TMEM232: variants seen among roughly 807,000 people sequenced by gnomAD.
The protein encoded by TMEM232 is transmembrane protein 232.
A neutral mutation model predicts 78.8 loss-of-function variants in TMEM232; 80 were observed. The ratio of observed to expected loss-of-function variants is 1.01; its 90% CI spans 0.85 to 1.22. The LOEUF is 1.22. Among genes scored for constraint, TMEM232 ranks in the 50% most tolerant of loss-of-function variants. The pLI is 0.00. For synonymous variants in TMEM232, 297 were observed against 254.3 expected, an observed-to-expected ratio of 1.17 and a Z score of -1.60; for missense variants, 881 against 742.2, an observed-to-expected ratio of 1.19 and a Z score of -2.17.
At chr5:110,716,705 T>C (rs371423044) in intron 1 of TMEM232, among the ~76,000 whole-genome samples, 16 of 152,278 alleles carry the variant, frequency 1.1e-4, no homozygotes, top group African/African-American at 3.6e-4. Flanking sequence ...GCCACGGCAT[T>C]AGTCTGTGGC....
chr5:110,719,369 TATCTTCC>T (rs1357885771), intron 1 of TMEM232, among the ~76,000 whole-genome samples: 18 of 152,052 alleles, frequency 1.2e-4, no homozygotes, highest in African/African-American at 4.1e-4. Context: ...ATTCTGTTCA[TATCTTCC>T]TTTACCTCTT....
chr5:110,563,831 G>A (rs539171142), intron 11 of TMEM232, among the ~76,000 whole-genome samples: 5 of 152,002 alleles, frequency 3.3e-5, no homozygotes, highest in Admixed American at 2.0e-4. Context: ...ATAAAAGCAC[G>A]TCCATGAAAT....
At chr5:110,508,396 T>G (rs1251899520) in intron 12 of TMEM232, among the ~76,000 whole-genome samples, 2 of 150,826 alleles carry the variant, frequency 1.3e-5, no homozygotes, top group African/African-American at 2.4e-5. Flanking sequence ...AAAACAAAAT[T>G]TTATATATAT....
At chr5:110,461,921 T>C (rs537768521) in intron 12 of TMEM232, among the ~76,000 whole-genome samples, 4 of 152,308 alleles carry the variant, frequency 2.6e-5, no homozygotes, top group East Asian at 3.9e-4. Context: ...TTATTGCCCA[T>C]TGACAATGCA....
At position 110,642,246 on chromosome 5, in the gene TMEM232, T is replaced by G; in HGVS notation, c.237+14A>C. 55 of 1,469,344 alleles carry G rather than the reference T, an allele frequency of 3.7e-5. No homozygotes were observed. The highest frequency in any genetic ancestry group is 4.7e-5 in the Non-Finnish European group (51 of 1,088,758). 91.0% of individuals were successfully genotyped at this position (1,469,344 alleles called of 1,614,324 possible). A position where few individuals can be genotyped will look rare whatever the true frequency, so the allele number is the denominator to read the frequency against. On this transcript the variant is annotated intron_variant, in intron 3 of 13. Transcript: ENST00000455884. ...GAAGTTAACATGCTCAACAATCAAA[T>G]GATATGCCATTACCTTACATCTGAG... is the stretch of plus-strand genomic sequence containing the variant.
intron 12 of TMEM232, among the ~76,000 whole-genome samples, chr5:110,467,620 A>G (rs1458738035): frequency 2.0e-5 from 3 of 152,228 alleles, no homozygotes; most frequent in African/African-American, 7.2e-5. Flanking sequence ...ATACATAAAA[A>G]TTTACGCCTA....
At chr5:110,679,563 G>T (rs1792455285) in intron 1 of TMEM232, among the ~76,000 whole-genome samples, 1 of 151,960 alleles carries the variant, frequency 6.6e-6, no homozygotes, top group Admixed American at 6.6e-5. Flanking sequence ...CATAGAACAT[G>T]TATTTGGTGT....
At chr5:110,734,266 G>C (rs79615566) in intron 2 of TMEM232, among the ~76,000 whole-genome samples, 1,990 of 152,282 alleles carry the variant, frequency 0.013, 35 homozygotes, top group African/African-American at 0.045. Context: ...GTTCAGGTCT[G>C]CTCCAAATAT....
Position 110,520,050 on chromosome 5 carries a change from T to TAGAGAGAGAG in TMEM232, c.1703+8528_1703+8537dup, listed in dbSNP as rs1554097433. ...TTATATATTTATGTATATATATATA[T>TAGAGAGAGAG]AGAGAGAGAGAGAGAGAGGATTAGG... On this transcript the variant is annotated intron_variant, in intron 12 of 13. Transcript: ENST00000455884. Among the ~76,000 whole-genome samples the TAGAGAGAGAG allele has an allele frequency of 2.0e-3, 292 of 147,244 alleles. 1 individual carries two copies. The highest frequency in any genetic ancestry group is 6.2e-3 in the African/African-American group (249 of 39,878).
chr5:110,716,232 CG>C (rs1036780638), intron 1 of TMEM232, among the ~76,000 whole-genome samples: 2 of 152,000 alleles, frequency 1.3e-5, no homozygotes, highest in African/African-American at 4.8e-5. Flanking sequence ...CAGGGGGCCC[CG>C]ATCTTTTTGG....
intron 12 of TMEM232, among the ~76,000 whole-genome samples, chr5:110,427,117 T>C (rs1275369566): frequency 6.6e-6 from 1 of 151,886 alleles, no homozygotes; most frequent in Admixed American, 6.6e-5. Flanking sequence ...GAAGTAAACA[T>C]TCAGGGATAG....
intron 1 of TMEM232, among the ~76,000 whole-genome samples, chr5:110,700,362 C>G (rs778454198): frequency 3.9e-5 from 6 of 152,002 alleles, no homozygotes; most frequent in Non-Finnish European, 8.8e-5. Context: ...CCAATGTGGT[C>G]AAATTGCACC....
At chr5:110,408,960 A>C (rs939354815) in intron 2 of TMEM232, among the ~76,000 whole-genome samples, 21 of 152,266 alleles carry the variant, frequency 1.4e-4, no homozygotes, top group Admixed American at 1.2e-3. Flanking sequence ...GTTGAACCCC[A>C]GCTTACCTGG....
rs1383638841 is a variant in TMEM232 at position 110,420,438 on chromosome 5, C to T, written c.*142G>A. ...TAACTATTAAACAAACAGCTTGTAT[C>T]AGGAAAACAAATTCTTTCTAAACAA... On this transcript the variant is annotated 3_prime_UTR_variant, in exon 14 of 14. Transcript: ENST00000455884. 11 of 548,544 alleles carry T rather than the reference C, an allele frequency of 2.0e-5. No individual in the cohort carries two copies. The highest frequency in any genetic ancestry group is 2.6e-5 in the Non-Finnish European group (9 of 339,852). 34.0% of individuals were successfully genotyped at this position (548,544 alleles called of 1,614,324 possible).
intron 1 of TMEM232, among the ~76,000 whole-genome samples, chr5:110,691,834 C>T (rs1490824980): frequency 2.6e-5 from 4 of 152,212 alleles, no homozygotes; most frequent in Admixed American, 2.6e-4. Flanking sequence ...CACTTCACTG[C>T]TCCCCTTCTT....
At chr5:110,527,752 T>C (rs1770801991) in intron 12 of TMEM232, among the ~76,000 whole-genome samples, 1 of 152,000 alleles carries the variant, frequency 6.6e-6, no homozygotes, top group Non-Finnish European at 1.5e-5. Context: ...AATAGAGCAC[T>C]GAACATATCA....
intron 2 of TMEM232, among the ~76,000 whole-genome samples, chr5:110,404,419 A>C (rs1022006691): frequency 1.3e-5 from 2 of 152,050 alleles, no homozygotes; most frequent in Non-Finnish European, 2.9e-5. Flanking sequence ...GATCCCATGT[A>C]ATATTTATCT....
intron 13 of TMEM232, among the ~76,000 whole-genome samples, chr5:110,422,701 C>CT (rs1423027217): frequency 6.6e-6 from 1 of 152,086 alleles, no homozygotes; most frequent in Non-Finnish European, 1.5e-5. Context: ...GCTCTTCCCT[C>CT]TTTCCCCCTT....
intron 10 of TMEM232, among the ~76,000 whole-genome samples, chr5:110,570,069 G>T (rs1776763886): frequency 6.6e-6 from 1 of 151,962 alleles, no homozygotes; most frequent in Non-Finnish European, 1.5e-5. Flanking sequence ...TAGGAGGAAG[G>T]CATATATCCA....
Sources: allele counts gnomAD v4.1 joint callset (sites outside exome capture counted in the v4.1 genomes callset), GRCh38; gene constraint gnomAD v4.1.1; transcripts MANE v1.5; gene names NCBI Gene and HGNC (gene_info 2026-07-23, HGNC 2026-07-21).